The following CCDC12 variants were observed in gnomAD, a reference collection of about 807,000 sequenced individuals.
CCDC12 encodes the protein coiled-coil domain-containing protein 12.
In CCDC12, 28 loss-of-function variants were observed where a neutral mutation model predicts 25.7. The observed-to-expected ratio is 1.09, with a 90% CI of 0.81 to 1.50. The LOEUF (loss-of-function observed/expected upper bound fraction) is 1.50. CCDC12 is among the 40% of genes most tolerant of loss of function. CCDC12 has a pLI of 0.00. For missense variants in CCDC12, 198 were observed against 210.0 expected, an observed-to-expected ratio of 0.94 and a Z score of 0.35; for synonymous variants, 75 against 87.7, an observed-to-expected ratio of 0.86 and a Z score of 0.81.
intron 5 of CCDC12, chr3:46,923,088 G>C: frequency 2.6e-6 from 1 of 389,658 alleles, no homozygotes; most frequent in Non-Finnish European, 4.5e-6. Context: ...CAACCTCTCA[G>C]GAGGGCCTTC....
At chr3:46,949,968 G>A (rs765177425) in intron 1 of CCDC12, among the ~76,000 whole-genome samples, 1 of 149,342 alleles carries the variant, frequency 6.7e-6, no homozygotes, top group Non-Finnish European at 1.5e-5. Flanking sequence ...AGTGGTTGCA[G>A]TGAGCCAAGA....
chr3:46,934,379 G>A (rs2033358313), intron 2 of CCDC12, among the ~76,000 whole-genome samples: 2 of 152,376 alleles, frequency 1.3e-5, no homozygotes, highest in East Asian at 1.9e-4. Flanking sequence ...CACACAGGGA[G>A]GGGTCTCAGT....
chr3:46,972,971 C>T (rs1288178203), intron 1 of CCDC12, among the ~76,000 whole-genome samples: 1 of 151,726 alleles, frequency 6.6e-6, no homozygotes, highest in Admixed American at 6.6e-5. Context: ...CATTCCTCTC[C>T]CTGCTATATA....
At chr3:46,930,217 G>A (rs895096973) in intron 2 of CCDC12, among the ~76,000 whole-genome samples, 2 of 151,958 alleles carry the variant, frequency 1.3e-5, no homozygotes, top group South Asian at 2.1e-4. Context: ...TGTAGTTTCC[G>A]GAATTTCTAA....
At position 46,923,524 on chromosome 3, in the gene CCDC12, T is replaced by TG. The variant is rs770211597; in HGVS notation, c.306+82dup. Reference sequence around the variant, plus strand: ...GGAATAAAGAAGTGACGAGAAGGAATGGGGGGCAGAGGGAGAGCAAGTGGC... The same window carrying TG: ...GGAATAAAGAAGTGACGAGAAGGAATGGGGGGGCAGAGGGAGAGCAAGTGGC... On this transcript the variant is annotated intron_variant, in intron 4 of 6. Transcript: ENST00000683445. 5.4e-6 allele frequency: 8 copies of TG among 1,481,184 alleles called. No homozygotes were observed. In the South Asian group the frequency reaches 8.3e-5, roughly 15 times the overall value. 91.8% of individuals were successfully genotyped at this position (1,481,184 alleles called of 1,614,324 possible). A position where few individuals can be genotyped will look rare whatever the true frequency, so the allele number is the denominator to read the frequency against.
At chr3:46,981,641 C>T (rs889159024), upstream of CCDC12, among the ~76,000 whole-genome samples, 3 of 152,132 alleles carry the variant, frequency 2.0e-5, no homozygotes, top group Non-Finnish European at 4.4e-5. Context: ...GAGAAGCCTA[C>T]CCTAGTCCTC....
chr3:46,959,631 G>A (rs1234904435), intron 1 of CCDC12, among the ~76,000 whole-genome samples: 4 of 152,168 alleles, frequency 2.6e-5, no homozygotes, highest in Admixed American at 2.0e-4. Flanking sequence ...AGCTACCACA[G>A]TTGAGAAGAG....
intron 1 of CCDC12, among the ~76,000 whole-genome samples, chr3:46,972,017 A>C (rs1031392112): frequency 6.6e-6 from 1 of 152,100 alleles, no homozygotes; most frequent in Non-Finnish European, 1.5e-5. Flanking sequence ...AAATCAACTC[A>C]AAGGTTAGAC....
rs942864720 is a variant in CCDC12, at chr3:46,976,705, G to A, written c.28C>T (p.Arg10Trp). 3 of 1,603,368 alleles carry A rather than the reference G, an allele frequency of 1.9e-6. No individual in the cohort carries two copies. The highest frequency in any genetic ancestry group is 2.2e-5 in the South Asian group (2 of 89,580). Residue 10 changes from arginine to tryptophan, a missense_variant, in exon 1 of 7, where the codon CGG becomes TGG. Coordinates refer to ENST00000683445, the MANE Select transcript of CCDC12 (RefSeq NM_001277074.2). MEATTAGVGRLEEEALRRKE... is the reference protein window; with the variant it reads MEATTAGVGWLEEEALRRKE... ...CGCCGCAACGCCTCTTCCTCTAGCC[G>A]GCCCACACCAGCCGTAGTTGCCTCC...
In CCDC12 at chr3:46,970,679, T is replaced by C. The variant is rs375729131; in HGVS notation, c.96+5958A>G. Among the ~76,000 whole-genome samples, 8 of 152,290 alleles carry C rather than the reference T, an allele frequency of 5.3e-5. No individual in the cohort carries two copies. In the East Asian group the frequency reaches 1.5e-3, roughly 29 times the overall value. On this transcript the variant is annotated intron_variant, in intron 1 of 6. Transcript: ENST00000683445. ...CTCAGAGCAGCAAGAGACAGCCCAA[T>C]TCAGGGCAATCGCTCAGGAAAGCTT...
At chr3:46,965,986 A>G (rs540103562) in intron 1 of CCDC12, 2 of 152,436 alleles carry the variant, frequency 1.3e-5, no homozygotes, top group African/African-American at 4.8e-5. Context: ...AGACTTACCT[A>G]TCTACACATC....
At chr3:46,946,050 A>G (rs147762373) in intron 1 of CCDC12, among the ~76,000 whole-genome samples, 21 of 152,338 alleles carry the variant, frequency 1.4e-4, no homozygotes, top group African/African-American at 5.1e-4. Context: ...GAATCAATCC[A>G]CATTGCTGTC....
At chr3:46,958,404 T>C (rs533091763) in intron 1 of CCDC12, among the ~76,000 whole-genome samples, 69 of 152,322 alleles carry the variant, frequency 4.5e-4, no homozygotes, top group Non-Finnish European at 8.2e-4. Flanking sequence ...CATAGATGTA[T>C]AGCTTAGAAG....
At chr3:46,947,982 C>G (rs1430882895) in intron 1 of CCDC12, among the ~76,000 whole-genome samples, 1 of 152,198 alleles carries the variant, frequency 6.6e-6, no homozygotes, top group East Asian at 1.9e-4. Context: ...CAGGGAGAAT[C>G]AGGCCAGGGC....
At chr3:46,941,456 T>C (rs1207431181) in intron 1 of CCDC12, among the ~76,000 whole-genome samples, 1 of 151,640 alleles carries the variant, frequency 6.6e-6, no homozygotes, top group Non-Finnish European at 1.5e-5. Context: ...TCCCAGCTAT[T>C]CGGGAGGCTG....
chr3:46,975,475 G>A (rs1027046541), intron 1 of CCDC12, among the ~76,000 whole-genome samples: 2 of 151,234 alleles, frequency 1.3e-5, no homozygotes, highest in Admixed American at 1.3e-4. Context: ...ATTGTGCCCG[G>A]CCCTCGTTCC....
At chr3:46,929,745 G>A (rs946432536) in intron 2 of CCDC12, among the ~76,000 whole-genome samples, 2 of 151,300 alleles carry the variant, frequency 1.3e-5, no homozygotes, top group East Asian at 3.9e-4. Context: ...TGGGGGTCTT[G>A]GCTGGGCATG....
intron 1 of CCDC12, among the ~76,000 whole-genome samples, chr3:46,944,825 C>A (rs1449706172): frequency 6.6e-6 from 1 of 152,140 alleles, no homozygotes; most frequent in Non-Finnish European, 1.5e-5. Context: ...CTGGTCAGAC[C>A]ACACTGCACC....
rs72907936 is a variant in CCDC12 at position 46,968,268 on chromosome 3, T to G, written c.96+8369A>C. Among the ~76,000 whole-genome samples, 916 of 152,310 alleles carry G rather than the reference T, an allele frequency of 6.0e-3. 5 individuals are homozygous for G. Among genetic ancestry groups the G allele is most frequent in the African/African-American group, 0.019 (799 of 41,556 alleles). On this transcript the variant is annotated intron_variant, in intron 1 of 6. Transcript: ENST00000683445. ...CCATTTTCTTCTTAATCTAACACTT[T>G]GCACTAACACTCCATCTTCAAAAAA...
Sources: allele counts gnomAD v4.1 joint callset (sites outside exome capture counted in the v4.1 genomes callset), GRCh38; gene constraint gnomAD v4.1.1; transcripts MANE v1.5; gene names NCBI Gene and HGNC (gene_info 2026-07-23, HGNC 2026-07-21).